Variants in TNN observed in about 807,000 individuals in gnomAD.
TNN encodes the protein tenascin-N.
Under a neutral mutation model 134.4 loss-of-function variants are expected in TNN, and 122 were observed. The ratio of observed to expected loss-of-function variants is 0.91; its 90% CI spans 0.78 to 1.06. The LOEUF (loss-of-function observed/expected upper bound fraction) is 1.06, where lower values mean the gene tolerates loss of function less well. Ranked by LOEUF, TNN falls within the 50% of genes least tolerant of loss-of-function variation. The probability of loss-of-function intolerance (pLI) is 0.00; values close to 1 mark genes in which losing one functional copy is unlikely to be tolerated. For missense variants in TNN, 1,739 were observed against 1,699.4 expected, an observed-to-expected ratio of 1.02 and a Z score of -0.41; for synonymous variants, 710 against 670.3, an observed-to-expected ratio of 1.06 and a Z score of -0.91.
In TNN at chr1:175,100,783, TCAA is replaced by T. The variant is rs547196549; in HGVS notation, c.2119+2192_2119+2194del. Among the ~76,000 whole-genome samples the T allele has an allele frequency of 3.4e-3, 512 of 152,328 alleles. 4 individuals carry two copies. The highest frequency in any genetic ancestry group is 0.011 in the African/African-American group (439 of 41,564). On this transcript the variant is annotated intron_variant, in intron 9 of 18. Coordinates refer to ENST00000239462, the MANE Select transcript of TNN (RefSeq NM_022093.2). ...CATAATTTCTTGTATTTATAATGTA[TCAA>T]CAAACTGGTGTTAATAATGATAGCT...
rs1306974503 is a variant in TNN at position 175,147,092 on chromosome 1, C to T, written c.*21C>T. 6.5e-7 allele frequency: 1 copy of T among 1,530,636 alleles called. No homozygotes were observed. Among genetic ancestry groups the T allele is most frequent in the Non-Finnish European group, 8.8e-7 (1 of 1,132,196 alleles). 94.8% of individuals were successfully genotyped at this position (1,530,636 alleles called of 1,614,324 possible). On this transcript the variant is annotated 3_prime_UTR_variant, in exon 19 of 19. Coordinates refer to ENST00000239462, the MANE Select transcript of TNN (RefSeq NM_022093.2). ...TCTGATGGCCCGTGTGAGCAGTCCT[C>T]GCAGGAGACACCACCAGCTGTGGCA...
intron 15 of TNN, among the ~76,000 whole-genome samples, 178 bp from the exon 16 acceptor site, chr1:175,135,667 A>G (rs1015952779): frequency 1.3e-5 from 2 of 152,246 alleles, no homozygotes; most frequent in Non-Finnish European, 2.9e-5. Context: ...TACGGTACAT[A>G]TAAAGAATGC....
intron 9 of TNN, among the ~76,000 whole-genome samples, chr1:175,100,096 C>G (rs1260960592): frequency 6.6e-6 from 1 of 152,204 alleles, no homozygotes; most frequent in Admixed American, 6.5e-5. Flanking sequence ...TGTGTCAGAG[C>G]AACCAGCTAT....
At chr1:175,139,192 T>C (rs1296082433) in intron 17 of TNN, among the ~76,000 whole-genome samples, 1 of 152,232 alleles carries the variant, frequency 6.6e-6, no homozygotes, top group Non-Finnish European at 1.5e-5. Context: ...TCTTTCTTCG[T>C]TAATAAAAAT....
Position 175,083,895 on chromosome 1 carries a change from G to A in TNN, c.1194G>A (p.Val398=), listed in dbSNP as rs755726826. 21 of 1,614,034 alleles carry A rather than the reference G, an allele frequency of 1.3e-5. No homozygotes were observed. Among genetic ancestry groups the A allele is most frequent in the Admixed American group, 1.7e-5 (1 of 60,012 alleles). Residue 398 remains valine (V), a synonymous_variant, in exon 5 of 19, where the codon GTG becomes GTA. Coordinates refer to ENST00000239462, the MANE Select transcript of TNN (RefSeq NM_022093.2). ...GACAGGAGGTAGCTGAGGTCACTGTGCCCAAGAGCAGTGACCCCAAGAGCC... is the reference window on the plus strand; with the variant it reads ...GACAGGAGGTAGCTGAGGTCACTGTACCCAAGAGCAGTGACCCCAAGAGCC... ...MTGQEVAEVT[V]PKSSDPKSRY...
At chr1:175,086,676 C>G (rs1424741145) in intron 6 of TNN, among the ~76,000 whole-genome samples, 3 of 152,212 alleles carry the variant, frequency 2.0e-5, no homozygotes, top group Non-Finnish European at 2.9e-5. Context: ...ACTATTTCAG[C>G]TGCCTAACAG....
chr1:175,129,046 C>G (rs530507510), intron 15 of TNN, among the ~76,000 whole-genome samples: 5 of 152,102 alleles, frequency 3.3e-5, no homozygotes, highest in African/African-American at 1.2e-4. Flanking sequence ...TACAGCTACT[C>G]CATAGACAGA....
In TNN at chr1:175,077,630, C is replaced by T. The variant is rs776834667; in HGVS notation, c.212C>T (p.Ser71Leu). Residue 71 changes from serine (S) to leucine (L), a missense_variant, in exon 2 of 19, where the codon TCG becomes TTG. Physicochemically the swap from Ser to Leu is moderately radical, Grantham distance 145. Transcript: ENST00000239462. The stretch of plus-strand genomic sequence containing the variant: ...CAGCCCCTCAGTGACGATGGGGCTT[C>T]GCTCTTGGCCCTGGGGGAGGCCAGG... ...DPQPLSDDGA[S>L]LLALGEAREE... is the part of the protein sequence containing the mutation. The T allele has an allele frequency of 1.6e-5, 26 of 1,614,086 alleles. No homozygotes were observed. Among genetic ancestry groups the T allele is most frequent in the South Asian group, 8.8e-5 (8 of 91,094 alleles).
At chr1:175,139,015 G>C (rs1322726189) in intron 17 of TNN, among the ~76,000 whole-genome samples, 1 of 152,130 alleles carries the variant, frequency 6.6e-6, no homozygotes, top group African/African-American at 2.4e-5. Context: ...GATAAAAAAT[G>C]GCCAATCTGT....
chr1:175,088,136 C>T (rs1674361256), intron 6 of TNN, among the ~76,000 whole-genome samples: 2 of 152,152 alleles, frequency 1.3e-5, no homozygotes, highest in East Asian at 1.9e-4. Context: ...CATCATTGGC[C>T]ACTGGTGATT....
intron 6 of TNN, among the ~76,000 whole-genome samples, chr1:175,091,559 T>TTTTTTTTA (rs1553314028): frequency 7.1e-6 from 1 of 141,688 alleles, no homozygotes; most frequent in African/African-American, 2.6e-5. Flanking sequence ...TATTTATTAT[T>TTTTTTTTA]TTTATTTATT....
chr1:175,113,883 G>A (rs1412482571), intron 9 of TNN, among the ~76,000 whole-genome samples: 6 of 151,594 alleles, frequency 4.0e-5, no homozygotes, highest in African/African-American at 1.2e-4. Flanking sequence ...TCCATTCATT[G>A]AATTCATTAG....
intron 17 of TNN, among the ~76,000 whole-genome samples, chr1:175,141,808 A>G (rs1356797920): frequency 6.6e-6 from 1 of 152,186 alleles, no homozygotes; most frequent in African/African-American, 2.4e-5. Context: ...TGGGCCTGCC[A>G]TGAACCCCTC....
intron 5 of TNN, 124 bp downstream of exon 5, chr1:175,084,059 C>T: frequency 2.0e-6 from 2 of 987,774 alleles, no homozygotes; most frequent in Middle Eastern, 2.4e-4. Flanking sequence ...CCTTAGGAAT[C>T]ACACTTGAAT....
chr1:175,078,446 C>T (rs1199562239), intron 2 of TNN, among the ~76,000 whole-genome samples: 1 of 152,290 alleles, frequency 6.6e-6, no homozygotes, highest in East Asian at 1.9e-4. Context: ...TCCCCCAACG[C>T]AACCCCGTCA....
intron 9 of TNN, among the ~76,000 whole-genome samples, chr1:175,102,001 T>C (rs993208595): frequency 2.1e-5 from 3 of 144,940 alleles, no homozygotes; most frequent in African/African-American, 7.5e-5. Context: ...GAGTGTCGAT[T>C]GGTGCACTCA....
At chr1:175,097,064 C>A (rs1306458294) in intron 7 of TNN, among the ~76,000 whole-genome samples, 1 of 152,170 alleles carries the variant, frequency 6.6e-6, no homozygotes, top group East Asian at 1.9e-4. Flanking sequence ...AGTATAATTG[C>A]TTTCTAGTAC....
chr1:175,103,157 AG>A lies in TNN; in HGVS notation c.2119+4563del, dbSNP rs558449829. Among the ~76,000 whole-genome samples the A allele has an allele frequency of 8.8e-4, 129 of 146,630 alleles. 7 individuals carry two copies. The highest frequency in any genetic ancestry group is 3.0e-3 in the African/African-American group (121 of 40,760). On this transcript the variant is annotated intron_variant, in intron 9 of 18. Coordinates refer to ENST00000239462, the MANE Select transcript of TNN (RefSeq NM_022093.2). ...GTTAAAAATACAGGGCCCAAAGGCG[AG>A]TAACAGCAAGATGGCTGCCACAGGA... is the stretch of plus-strand genomic sequence containing the variant.
intron 1 of TNN, among the ~76,000 whole-genome samples, chr1:175,073,873 A>T (rs1673975320): frequency 6.6e-6 from 1 of 152,108 alleles, no homozygotes; most frequent in African/African-American, 2.4e-5. Flanking sequence ...GTCCTGCTGC[A>T]GTCGCCCCCT....
Sources: gnomAD v4.1 joint callset for allele counts (sites outside exome capture counted in the v4.1 genomes callset) on GRCh38, gnomAD v4.1.1 for gene constraint, MANE v1.5 for transcripts, NCBI Gene and HGNC (gene_info 2026-07-23, HGNC 2026-07-21) for gene names.